The following C6orf120 variants were observed in gnomAD, a reference collection of about 807,000 sequenced individuals.
C6orf120 encodes the protein chromosome 6 open reading frame 120, also known as UPF0669 protein C6orf120.
For synonymous variants in C6orf120, 165 were observed against 123.1 expected (o/e 1.34, Z -2.25); for missense variants, 311 against 264.2 (o/e 1.18, Z -1.23).
chr6:169,704,641 T>G (rs912467032), exon 1 of C6orf120: 1 of 169,412 alleles, frequency 5.9e-6, no homozygotes, highest in South Asian at 2.0e-4. Flanking sequence ...TATTATACAG[T>G]GTTAACTATG....
exon 1 of C6orf120, chr6:169,703,340 T>G: frequency 2.7e-6 from 1 of 372,564 alleles, no homozygotes; most frequent in East Asian, 5.2e-5. Flanking sequence ...AGAGCAACCT[T>G]TCATGCTGTG....
exon 1 of C6orf120, chr6:169,702,221 C>CCCTGCA (rs1788310635): frequency 3.0e-6 from 2 of 672,708 alleles, no homozygotes; most frequent in African/African-American, 3.7e-5. Flanking sequence ...GCCACAGCGG[C>CCCTGCA]CCTGCCCCTG....
At chr6:169,705,808 A>G (rs1788765217), downstream of C6orf120, 1 of 774,314 alleles carries the variant, frequency 1.3e-6, no homozygotes, top group Non-Finnish European at 2.3e-6. Context: ...TTATTGCCCT[A>G]TTTTTACTTT....
chr6:169,703,150 T>C (rs1788524203), exon 1 of C6orf120: 4 of 1,151,328 alleles, frequency 3.5e-6, no homozygotes, highest in Non-Finnish European at 4.9e-6. Flanking sequence ...AGTCAAGGGA[T>C]GGAAAAATAA....
exon 1 of C6orf120, chr6:169,704,018 G>C (rs916085447): frequency 6.2e-7 from 1 of 1,601,094 alleles, no homozygotes; most frequent in Non-Finnish European, 8.5e-7. Context: ...CCTCTTTGCT[G>C]TTTTTCCCCC....
rs1260148004 is a variant in C6orf120 at position 169,704,074 on chromosome 6, C to T, written c.*1039C>T. On this transcript the variant is annotated 3_prime_UTR_variant, in exon 1 of 1. Coordinates refer to ENST00000332290, the Ensembl canonical transcript of C6orf120. ...GTTGGGGGGGCCCGCTGACAACAGT[C>T]ACAAATCCAGCGACCTAGGAAAAAA... The T allele has an allele frequency of 3.2e-6, 5 of 1,580,428 alleles. No homozygotes were observed. In the African/African-American group the frequency reaches 6.9e-5, roughly 22 times the overall value.
At chr6:169,705,967 A>G (rs1186979809), downstream of C6orf120, among the ~76,000 whole-genome samples, 5 of 152,140 alleles carry the variant, frequency 3.3e-5, no homozygotes, top group Admixed American at 6.5e-5. Context: ...AGCATTCTAT[A>G]CTCCCTACAT....
chr6:169,703,062 A>C, exon 1 of C6orf120: 1 of 1,535,306 alleles, frequency 6.5e-7, no homozygotes, highest in African/African-American at 1.4e-5. Flanking sequence ...TGGGATATAA[A>C]ACCCTCCATC....
At chr6:169,702,159 C>A (rs1218385821), upstream of C6orf120, 1 of 628,976 alleles carries the variant, frequency 1.6e-6, no homozygotes, top group Admixed American at 2.1e-5. Flanking sequence ...GGCCTCGGGT[C>A]CGGATGTATA....
exon 1 of C6orf120, chr6:169,703,112 G>GTACT (rs1443349755): frequency 4.2e-6 from 6 of 1,420,790 alleles, no homozygotes; most frequent in Non-Finnish European, 5.7e-6. Context: ...CTTGCTACTT[G>GTACT]TACTTGGTTG....
exon 1 of C6orf120, chr6:169,704,775 A>G (rs917949243): frequency 4.4e-5 from 8 of 183,238 alleles, no homozygotes; most frequent in African/African-American, 1.9e-4. Context: ...GAAATCTATA[A>G]TAGATTTCTA....
chr6:169,702,895 G>C lies in C6orf120; in HGVS notation c.436G>C (p.Glu146Gln), dbSNP rs144632729. The stretch of plus-strand genomic sequence containing the variant: ...CACGGTCGAGCAGCACCCGTTCGGC[G>C]AGGCCGCCTACCCCGCCGACGGCGC... The change falls in exon 1 of 1, where the codon GAG becomes CAG. Residue 146 changes from glutamate to glutamine, a missense_variant. Glu to Gln is a conservative substitution (Grantham distance 29). Coordinates refer to ENST00000332290, the Ensembl canonical transcript of C6orf120. The C allele has an allele frequency of 1.8e-4, 284 of 1,611,838 alleles. 2 individuals carry two copies. Among genetic ancestry groups the C allele is most frequent in the Non-Finnish European group, 2.2e-4 (254 of 1,179,864 alleles).
Position 169,702,249 on chromosome 6 carries a change from AG to A in C6orf120, c.-210del. 1 of 681,086 alleles carries A rather than the reference AG, an allele frequency of 1.5e-6. No homozygotes were observed. Among genetic ancestry groups the A allele is most frequent in the East Asian group, 2.8e-5 (1 of 35,222 alleles). The allele number at this position is 681,086 out of a possible 1,614,324, so 42.2% of individuals were successfully genotyped here. On this transcript the variant is annotated 5_prime_UTR_variant, in exon 1 of 1. The change creates a new upstream start codon in the 5' untranslated region. Transcript: ENST00000332290. The stretch of plus-strand genomic sequence containing the variant: ...TGCCCCTGCCCCTGCCCCTGCCCTG[AG>A]TGGGCGCCGCGCTACGGGGGAGGGG...
exon 1 of C6orf120, chr6:169,702,793 C>T (rs1289365919): frequency 1.9e-6 from 3 of 1,612,952 alleles, no homozygotes; most frequent in African/African-American, 1.3e-5. Context: ...GCACTTCCGG[C>T]GCCCAGTGGG....
At chr6:169,703,983 T>C in exon 1 of C6orf120, 1 of 1,562,136 alleles carries the variant, frequency 6.4e-7, no homozygotes, top group Middle Eastern at 1.7e-4. Flanking sequence ...GCATATACAG[T>C]ATTAGAGTCA....
exon 1 of C6orf120, chr6:169,702,302 TCACGCGGGTGGGAAGGGAC>T: frequency 1.5e-6 from 1 of 666,308 alleles, no homozygotes; most frequent in Non-Finnish European, 2.7e-6. Context: ...CCCCGGGGCC[TCACGCGGGTGGGAAGGGAC>T]AGTCCCAGCG....
chr6:169,705,406 T>G, downstream of C6orf120: 1 of 919,246 alleles, frequency 1.1e-6, no homozygotes, highest in Non-Finnish European at 1.7e-6. Context: ...GCTTTAGGAC[T>G]TCCAGAGAAT....
chr6:169,705,803 G>T, downstream of C6orf120: 1 of 790,668 alleles, frequency 1.3e-6, no homozygotes, highest in Non-Finnish European at 2.2e-6. Context: ...TTACTTTATT[G>T]CCCTATTTTT....
downstream of C6orf120, chr6:169,705,803 G>A: frequency 1.3e-6 from 1 of 790,670 alleles, no homozygotes; most frequent in Non-Finnish European, 2.2e-6. Context: ...TTACTTTATT[G>A]CCCTATTTTT....
Sources: gnomAD v4.1 joint callset for allele counts (sites outside exome capture counted in the v4.1 genomes callset) on GRCh38, gnomAD v4.1.1 for gene constraint, MANE v1.5 for transcripts, NCBI Gene and HGNC (gene_info 2026-07-23, HGNC 2026-07-21) for gene names.